The following CLN5 variants were observed in gnomAD, a reference collection of about 807,000 sequenced individuals.
CLN5 encodes the protein bis(monoacylglycero)phosphate synthase CLN5.
CLN5 carries 34 observed loss-of-function variants against 36.7 expected under a neutral mutation model. That is an observed-to-expected ratio of 0.93 (90% CI 0.71 to 1.23). The LOEUF is 1.23. Among genes scored for constraint, CLN5 ranks in the 50% most tolerant of loss-of-function variants. The pLI, the probability that CLN5 is intolerant of heterozygous loss-of-function variation, is 0.00. For synonymous variants in CLN5, 151 were observed against 155.1 expected, an observed-to-expected ratio of 0.97 and a Z score of 0.20; for missense variants, 427 against 439.4, an observed-to-expected ratio of 0.97 and a Z score of 0.25.
chr13:77,003,955 TTGTAGA>T lies in CLN5; in HGVS notation c.*2991_*2996del, dbSNP rs2034405081. The T allele has an allele frequency of 1.3e-5, 2 of 152,184 alleles. No homozygotes were observed. Among genetic ancestry groups the T allele is most frequent in the South Asian group, 4.1e-4 (2 of 4,828 alleles). The allele number at this position is 152,184 out of a possible 1,614,324, so 9.4% of individuals were successfully genotyped here. On this transcript the variant is annotated 3_prime_UTR_variant, in exon 4 of 4. Transcript: ENST00000377453. ...AGTGAGACTCCGTCTCAAAAAAATG[TTGTAGA>T]TGTATAAAATTTATACATTTTTAGT...
Position 77,001,732 on chromosome 13 carries a change from T to A in CLN5, c.*763T>A, listed in dbSNP as rs1381780169. On this transcript the variant is annotated 3_prime_UTR_variant, in exon 4 of 4. Coordinates refer to ENST00000377453, the MANE Select transcript of CLN5 (RefSeq NM_006493.4). Reference sequence around the variant, plus strand: ...ATGTCATCCTTGATCTTGCCTAATGTAGTTTATGTGCCAAACTTTCCAGGG... The same window carrying A: ...ATGTCATCCTTGATCTTGCCTAATGAAGTTTATGTGCCAAACTTTCCAGGG... The A allele has an allele frequency of 2.0e-5, 3 of 152,264 alleles. No homozygotes were observed. The allele number at this position is 152,264 out of a possible 1,614,324, so 9.4% of individuals were successfully genotyped here.
rs1245649657 is a variant in CLN5 at position 77,004,171 on chromosome 13, C to G, written c.*3202C>G. On this transcript the variant is annotated 3_prime_UTR_variant, in exon 4 of 4. Transcript: ENST00000377453. ...CTCCTTAAAAATTGGAGAAAAAAAT[C>G]AAGTCTTAGGAAGTCTTATCCAGTT... is the stretch of plus-strand genomic sequence containing the variant. The G allele has an allele frequency of 6.6e-6, 1 of 152,110 alleles. No homozygotes were observed. The highest frequency in any genetic ancestry group is 2.4e-5 in the African/African-American group (1 of 41,410). The allele number at this position is 152,110 out of a possible 1,614,324, so 9.4% of individuals were successfully genotyped here. A position where few individuals can be genotyped will look rare whatever the true frequency, so the allele number is the denominator to read the frequency against.
intron 3 of CLN5, chr13:76,998,677 T>A (rs909575695): frequency 5.9e-5 from 9 of 152,242 alleles, no homozygotes; most frequent in African/African-American, 2.2e-4. Context: ...CCAGGTAACA[T>A]GACTTACTTG....
At chr13:76,998,111 T>C (rs2034298461) in intron 3 of CLN5, 1 of 152,272 alleles carries the variant, frequency 6.6e-6, no homozygotes, top group South Asian at 2.1e-4. Flanking sequence ...ACCCTGGCAG[T>C]TACGCCCCAT....
At chr13:76,992,358 C>G (rs2034195313) in intron 1 of CLN5, 87 bp downstream of exon 1, 2 of 1,378,476 alleles carry the variant, frequency 1.5e-6, no homozygotes, top group South Asian at 2.8e-5. Flanking sequence ...CCCTGCTCAC[C>G]GTGGTTTGTG....
In CLN5 at chr13:76,995,896, A is replaced by G; in HGVS notation, c.340-6A>G. On this transcript the variant is annotated splice_region_variant and splice_polypyrimidine_tract_variant and intron_variant, in intron 2 of 3. Coordinates refer to ENST00000377453, the MANE Select transcript of CLN5 (RefSeq NM_006493.4). ...TTGCTTTTATACATGTACTGTCTTT[A>G]CACAGAAAATTATGCATGATGCCAT... is the stretch of plus-strand genomic sequence containing the variant. 1 of 1,612,270 alleles carries G rather than the reference A, an allele frequency of 6.2e-7. No homozygotes were observed. Among genetic ancestry groups the G allele is most frequent in the South Asian group, 1.1e-5 (1 of 91,058 alleles).
rs527797425 is a variant in CLN5 at position 77,003,558 on chromosome 13, A to T, written c.*2589A>T. The T allele has an allele frequency of 5.3e-5, 8 of 152,252 alleles. No homozygotes were observed. The highest frequency in any genetic ancestry group is 1.0e-4 in the Non-Finnish European group (7 of 68,046). 9.4% of individuals were successfully genotyped at this position (152,252 alleles called of 1,614,324 possible). A position where few individuals can be genotyped will look rare whatever the true frequency, so the allele number is the denominator to read the frequency against. Reference sequence around the variant, plus strand: ...TAGCCACGCAGAAATCTGCCAATTAAGTTTTGCTGCCCTTTGAGCAATATG... The same window carrying T: ...TAGCCACGCAGAAATCTGCCAATTATGTTTTGCTGCCCTTTGAGCAATATG... On this transcript the variant is annotated 3_prime_UTR_variant, in exon 4 of 4. Coordinates refer to ENST00000377453, the MANE Select transcript of CLN5 (RefSeq NM_006493.4).
Position 77,001,350 on chromosome 13 carries a change from T to C in CLN5, c.*381T>C, listed in dbSNP as rs1192881523. ...TCAGTGACATTTTCATGGTGGGAGC[T>C]CTTCTTTCTGATATGGCAGTTACAC... On this transcript the variant is annotated 3_prime_UTR_variant, in exon 4 of 4. Transcript: ENST00000377453. 1 of 166,082 alleles carries C rather than the reference T, an allele frequency of 6.0e-6. No homozygotes were observed. The highest frequency in any genetic ancestry group is 1.3e-5 in the Non-Finnish European group (1 of 77,558). The allele number at this position is 166,082 out of a possible 1,614,324, so 10.3% of individuals were successfully genotyped here.
rs564332795 is a variant in CLN5, at chr13:77,001,434, C to G, written c.*465C>G. 6.3e-6 allele frequency: 1 copy of G among 157,976 alleles called. No homozygotes were observed. Among genetic ancestry groups the G allele is most frequent in the East Asian group, 1.9e-4 (1 of 5,316 alleles). 9.8% of individuals were successfully genotyped at this position (157,976 alleles called of 1,614,324 possible). On this transcript the variant is annotated 3_prime_UTR_variant, in exon 4 of 4. Coordinates refer to ENST00000377453, the MANE Select transcript of CLN5 (RefSeq NM_006493.4). ...TTACAACTTCTATAACTTTTGGAAC[C>G]AAGTTTAGTATAGTCTGATTACATT...
chr13:76,997,583 A>G (rs1440147902), intron 3 of CLN5: 2 of 152,188 alleles, frequency 1.3e-5, no homozygotes, highest in Non-Finnish European at 2.9e-5. Flanking sequence ...TACTCTGCTG[A>G]TTGTTCCTTT....
chr13:76,995,279 ATTAAG>A (rs749257423), intron 2 of CLN5, 51 bp downstream of exon 2: 62 of 1,542,424 alleles, frequency 4.0e-5, no homozygotes, highest in Non-Finnish European at 5.6e-5. Context: ...TGATTTGGTT[ATTAAG>A]TTGATTTTTA....
In CLN5 at chr13:77,001,254, G is replaced by C. The variant is rs191948843; in HGVS notation, c.*285G>C. On this transcript the variant is annotated 3_prime_UTR_variant, in exon 4 of 4. Coordinates refer to ENST00000377453, the MANE Select transcript of CLN5 (RefSeq NM_006493.4). Reference sequence around the variant, plus strand: ...TTCATATCAGTTATGTAGGACCTTTGGACCCAGGGTCCTACAGATAGATAT... The same window carrying C: ...TTCATATCAGTTATGTAGGACCTTTCGACCCAGGGTCCTACAGATAGATAT... The C allele has an allele frequency of 3.8e-6, 1 of 262,126 alleles. No homozygotes were observed. The highest frequency in any genetic ancestry group is 7.3e-6 in the Non-Finnish European group (1 of 137,408). 16.2% of individuals were successfully genotyped at this position (262,126 alleles called of 1,614,324 possible).
At position 77,002,321 on chromosome 13, in the gene CLN5, CG is replaced by C. The variant is rs1283002454; in HGVS notation, c.*1354del. 4 of 152,176 alleles carry C rather than the reference CG, an allele frequency of 2.6e-5. No individual in the cohort carries two copies. Among genetic ancestry groups the C allele is most frequent in the African/African-American group, 4.8e-5 (2 of 41,444 alleles). The allele number at this position is 152,176 out of a possible 1,614,324, so 9.4% of individuals were successfully genotyped here. A position where few individuals can be genotyped will look rare whatever the true frequency, so the allele number is the denominator to read the frequency against. ...AGTAATGAAGTCAGGTCTTGAACCC[CG>C]GTTCTGCTGACTGAATTGGATGCAC... On this transcript the variant is annotated 3_prime_UTR_variant, in exon 4 of 4. Coordinates refer to ENST00000377453, the MANE Select transcript of CLN5 (RefSeq NM_006493.4).
chr13:76,995,391 T>C (rs1182917526), intron 2 of CLN5, 163 bp downstream of exon 2: 18 of 686,770 alleles, frequency 2.6e-5, no homozygotes, highest in Middle Eastern at 8.1e-4. Context: ...CTATCAGATT[T>C]TGTAATCTTG....
rs562972188 is a variant in CLN5, at chr13:77,001,232, A to T, written c.*263A>T. On this transcript the variant is annotated 3_prime_UTR_variant, in exon 4 of 4. Transcript: ENST00000377453. Reference sequence around the variant, plus strand: ...TTGTTAATATGGAGAATTATGGTTCATATCAGTTATGTAGGACCTTTGGAC... The same window carrying T: ...TTGTTAATATGGAGAATTATGGTTCTTATCAGTTATGTAGGACCTTTGGAC... The T allele has an allele frequency of 2.3e-4, 79 of 347,666 alleles. No homozygotes were observed. In the South Asian group the frequency reaches 2.5e-3, roughly 11 times the overall value. 21.5% of individuals were successfully genotyped at this position (347,666 alleles called of 1,614,324 possible). A position where few individuals can be genotyped will look rare whatever the true frequency, so the allele number is the denominator to read the frequency against.
chr13:76,995,439 T>C (rs2034249309), intron 2 of CLN5: 1 of 585,160 alleles, frequency 1.7e-6, no homozygotes, highest in Admixed American at 2.8e-5. Context: ...CATTGTAATA[T>C]TATGAATCTG....
intron 1 of CLN5, 122 bp from the exon 2 acceptor site, chr13:76,994,941 T>C (rs2154034608): frequency 1.2e-6 from 1 of 803,100 alleles, no homozygotes; most frequent in Non-Finnish European, 2.0e-6. Context: ...TGTGTGTTTA[T>C]ATTTATTAAC....
At chr13:76,995,854 C>T (rs1220985088) in intron 2 of CLN5, 48 bp from the exon 3 acceptor site, 3 of 1,431,886 alleles carry the variant, frequency 2.1e-6, no homozygotes, top group Non-Finnish European at 3.0e-6. Context: ...TTACCTGGAC[C>T]CATGGTTGTG....
chr13:77,001,087 C>T lies in CLN5; in HGVS notation c.*118C>T. 1.1e-6 allele frequency: 1 copy of T among 870,062 alleles called. No homozygotes were observed. The allele number at this position is 870,062 out of a possible 1,614,324, so 53.9% of individuals were successfully genotyped here. Reference sequence around the variant, plus strand: ...CCTTGGTGCATAAAGTTAAAATGCACATCAGCAGAATTGCTGCATATTAAC... The same window carrying T: ...CCTTGGTGCATAAAGTTAAAATGCATATCAGCAGAATTGCTGCATATTAAC... On this transcript the variant is annotated 3_prime_UTR_variant, in exon 4 of 4. Transcript: ENST00000377453.
Sources: allele counts gnomAD v4.1 joint callset, GRCh38; gene constraint gnomAD v4.1.1; transcripts MANE v1.5; gene names NCBI Gene and HGNC (gene_info 2026-07-23, HGNC 2026-07-21).